The following FN1 variants were observed in gnomAD, a reference collection of about 807,000 sequenced individuals.
The protein encoded by FN1 is fibronectin.
Under a neutral mutation model 297.3 loss-of-function variants are expected in FN1, and 106 were observed. The observed-to-expected ratio is 0.36, with a 90% CI of 0.30 to 0.42. The LOEUF (loss-of-function observed/expected upper bound fraction) is 0.42. FN1 is among the 10% of genes least tolerant of loss of function. The probability of loss-of-function intolerance (pLI) is 1.00; values close to 1 mark genes in which losing one functional copy is unlikely to be tolerated. For synonymous variants in FN1, 1,149 were observed against 1,152.6 expected, an observed-to-expected ratio of 1.00 and a Z score of 0.06; for missense variants, 2,690 against 3,124.9, an observed-to-expected ratio of 0.86 and a Z score of 3.32.
At position 215,434,835 on chromosome 2, in the gene FN1, T is replaced by G. The variant is rs758138719; in HGVS notation, c.149-11A>C. On this transcript the variant is annotated splice_polypyrimidine_tract_variant and intron_variant, in intron 1 of 45. Coordinates refer to ENST00000354785, the MANE Select transcript of FN1 (RefSeq NM_212482.4). ...TGTCATAACAACCGGCTGCAAATAATTGAAGGAAAACGTTACATTTGCATT... is the reference window on the plus strand; with the variant it reads ...TGTCATAACAACCGGCTGCAAATAAGTGAAGGAAAACGTTACATTTGCATT... The G allele has an allele frequency of 1.1e-5, 18 of 1,577,150 alleles. 1 individual carries two copies. The South Asian group carries it at 2.0e-4, about 17-fold the overall frequency.
At chr2:215,393,878 C>A (rs755253384) in intron 24 of FN1, among the ~76,000 whole-genome samples, 1 of 152,186 alleles carries the variant, frequency 6.6e-6, no homozygotes, top group African/African-American at 2.4e-5. Flanking sequence ...AAGGGGGACA[C>A]GATCTGTCCA....
At chr2:215,404,064 T>C (rs1260372093) in intron 20 of FN1, among the ~76,000 whole-genome samples, 1 of 152,240 alleles carries the variant, frequency 6.6e-6, no homozygotes, top group Non-Finnish European at 1.5e-5. Context: ...GTGCTGGCCC[T>C]AGAGGAAAGA....
intron 44 of FN1, chr2:215,362,293 A>C (rs574355866): frequency 2.3e-5 from 13 of 562,192 alleles, no homozygotes; most frequent in African/African-American, 7.5e-5. Flanking sequence ...CTGTCTCTCT[A>C]TGTTGTTTCT....
At position 215,361,545 on chromosome 2, in the gene FN1, G is replaced by T. The variant is rs376904873; in HGVS notation, c.*10C>A. On this transcript the variant is annotated 3_prime_UTR_variant, in exon 46 of 46. Transcript: ENST00000354785. The stretch of plus-strand genomic sequence containing the variant: ...GAGACATGCTTGTTCCTCTGGATTG[G>T]AAAGATGATTTACTCTCGGGAATCT... The T allele has an allele frequency of 8.8e-6, 14 of 1,586,622 alleles. No homozygotes were observed. Among genetic ancestry groups the T allele is most frequent in the Non-Finnish European group, 1.2e-5 (14 of 1,155,090 alleles).
At chr2:215,387,387 T>C (rs1428919654) in intron 27 of FN1, among the ~76,000 whole-genome samples, 2 of 152,164 alleles carry the variant, frequency 1.3e-5, no homozygotes, top group African/African-American at 4.8e-5. Context: ...AAGTAAATGT[T>C]TGACTCTCAG....
At position 215,430,780 on chromosome 2, in the gene FN1, C is replaced by T. The variant is rs2066371413; in HGVS notation, c.620G>A (p.Gly207Asp). ...GCAAGTACAATCTACCATCATCCAG[C>T]CTTGGTAGGGCTTCTCCCACGTTTC... The part of the protein sequence containing the change: ...VGETWEKPYQ[G>D]WMMVDCTCLG... Residue 207 changes from glycine (G) to aspartate (D), a missense_variant, in exon 5 of 46, where the codon GGC becomes GAC. By Grantham distance (94) the Gly-to-Asp change is moderately conservative. This residue lies in a region of FN1 where 876 missense variants were observed against 1,058.1 expected (regional missense o/e 0.83). Coordinates refer to ENST00000354785, the MANE Select transcript of FN1 (RefSeq NM_212482.4). 6.2e-7 allele frequency: 1 copy of T among 1,614,124 alleles called. No homozygotes were observed. Among genetic ancestry groups the T allele is most frequent in the East Asian group, 2.2e-5 (1 of 44,878 alleles).
chr2:215,416,059 G>GA (rs1234614265), intron 12 of FN1, among the ~76,000 whole-genome samples: 3 of 151,518 alleles, frequency 2.0e-5, no homozygotes, highest in Admixed American at 6.6e-5. Flanking sequence ...AAGCTTCTAG[G>GA]AAAAAAAATA....
Position 215,388,220 on chromosome 2 carries a change from T to C in FN1, c.4334A>G (p.Gln1445Arg), listed in dbSNP as rs1274713800. Reference protein sequence around the residue: ...QHESTPLRGRQKTGLDSPTGI... With the variant: ...QHESTPLRGRRKTGLDSPTGI... ...CTGCCAACACCACTCACCTGTTTTC[T>C]GTCTTCCTCTAAGAGGTGTGCTCTC... Residue 1445 changes from glutamine (Q) to arginine (R), a missense_variant, in exon 27 of 46, where the codon CAG becomes CGG. Around this residue, in one of 3 missense-constraint regions of FN1, gnomAD observed 1,743 missense variants for 1,945.2 expected, o/e 0.90. Coordinates refer to ENST00000354785, the MANE Select transcript of FN1 (RefSeq NM_212482.4). The C allele has an allele frequency of 6.2e-7, 1 of 1,612,824 alleles. No individual in the cohort carries two copies. Among genetic ancestry groups the C allele is most frequent in the Admixed American group, 1.7e-5 (1 of 60,034 alleles).
chr2:215,364,242 C>T (rs1324144495), intron 44 of FN1: 2 of 169,550 alleles, frequency 1.2e-5, no homozygotes, highest in Non-Finnish European at 2.6e-5. Context: ...AGACCTATAA[C>T]AAGCATCTGT....
intron 9 of FN1, among the ~76,000 whole-genome samples, chr2:215,422,689 A>C (rs941093965): frequency 6.6e-6 from 1 of 152,228 alleles, no homozygotes; most frequent in Non-Finnish European, 1.5e-5. Context: ...TAAAAGTATA[A>C]GCAATTTCTT....
intron 9 of FN1, among the ~76,000 whole-genome samples, chr2:215,422,707 T>C (rs1314426777): frequency 2.0e-5 from 3 of 152,236 alleles, no homozygotes; most frequent in South Asian, 2.1e-4. Context: ...CTTTGTCTCA[T>C]AGTCACACTT....
At chr2:215,392,607 G>C (rs541348149) in intron 25 of FN1, 3 of 362,064 alleles carry the variant, frequency 8.3e-6, no homozygotes, top group African/African-American at 6.3e-5. Context: ...TTTGGTATTC[G>C]TGTTTGGTAT....
chr2:215,373,225 G>C (rs2056587107), intron 39 of FN1, 97 bp downstream of exon 39: 2 of 910,658 alleles, frequency 2.2e-6, no homozygotes, highest in Admixed American at 3.5e-5. Flanking sequence ...CACAAGAAAT[G>C]CATCAAAACA....
intron 42 of FN1, among the ~76,000 whole-genome samples, chr2:215,367,096 G>A (rs1159975382): frequency 6.6e-6 from 1 of 152,066 alleles, no homozygotes; most frequent in Admixed American, 6.6e-5. Flanking sequence ...TATGTCTATA[G>A]GAGGCTTATT....
chr2:215,420,844 T>C (rs949267397), intron 10 of FN1, 43 bp from the exon 11 acceptor site: 1 of 1,603,030 alleles, frequency 6.2e-7, no homozygotes, highest in Non-Finnish European at 8.5e-7. Context: ...TTTTTAAAGT[T>C]CCATTGATGA....
At chr2:215,371,027 T>C (rs1345824864) in intron 40 of FN1, among the ~76,000 whole-genome samples, 1 of 152,174 alleles carries the variant, frequency 6.6e-6, no homozygotes, top group Non-Finnish European at 1.5e-5. Context: ...CCCAGCACTT[T>C]GGGAGGCCAA....
intron 15 of FN1, 118 bp downstream of exon 15, chr2:215,409,445 C>T: frequency 1.0e-6 from 1 of 954,254 alleles, no homozygotes; most frequent in Non-Finnish European, 1.7e-6. Context: ...TTTGTTCAGT[C>T]TGAGCTGTCA....
rs72346185 is a variant in FN1 at position 215,407,954 on chromosome 2, CCACACA to C, written c.2518+148_2518+153del. Reference sequence around the variant, plus strand: ...ATAGAAAATAACTCCCCCACCCCCGCCACACACACACACACACACACACACAAACCC... The same window carrying C: ...ATAGAAAATAACTCCCCCACCCCCGCCACACACACACACACACACAAACCC... On this transcript the variant is annotated intron_variant, in intron 17 of 45. Transcript: ENST00000354785. Among the ~76,000 whole-genome samples, 6,610 of 133,632 alleles carry C rather than the reference CCACACA, an allele frequency of 0.049. 245 individuals carry two copies. Among genetic ancestry groups the C allele is most frequent in the Middle Eastern group, 0.17 (44 of 266 alleles). The allele number at this position is 133,632 out of a possible 152,430, so 87.7% of individuals were successfully genotyped here.
rs1331216485 is a variant in FN1 at position 215,376,655 on chromosome 2, C to T, written c.5730G>A (p.Arg1910=). ...TCTCAGTAGCATCTGTCACACGAGC[C>T]CTTCTTGGTGGGCTGACATCTGCAC... ...TTLENVSPPR[R]ARVTDATETT... Residue 1910 remains arginine (R), a synonymous_variant, in exon 36 of 46, where the codon AGG becomes AGA. Coordinates refer to ENST00000354785, the MANE Select transcript of FN1 (RefSeq NM_212482.4). 6 of 1,613,900 alleles carry T rather than the reference C, an allele frequency of 3.7e-6. No individual in the cohort carries two copies. In the South Asian group the frequency reaches 4.4e-5, roughly 12 times the overall value.
Sources: gnomAD v4.1 joint callset for allele counts (sites outside exome capture counted in the v4.1 genomes callset) on GRCh38, gnomAD v4.1.1 for gene constraint, gnomAD v4.1.1 regional missense constraint, MANE v1.5 for transcripts, NCBI Gene and HGNC (gene_info 2026-07-23, HGNC 2026-07-21) for gene names.